Variants in NELFE observed in about 807,000 individuals in gnomAD.
NELFE encodes the protein negative elongation factor E.
NELFE carries 26 observed loss-of-function variants against 55.5 expected under a neutral mutation model. The observed-to-expected ratio is 0.47, with a 90% CI of 0.34 to 0.65. The LOEUF (loss-of-function observed/expected upper bound fraction) is 0.65, where lower values mean the gene tolerates loss of function less well. Ranked by LOEUF, NELFE falls within the 30% of genes least tolerant of loss-of-function variation. NELFE has a pLI of 0.01. For missense variants in NELFE, 403 were observed against 506.9 expected, an observed-to-expected ratio of 0.80 and a Z score of 1.97; for synonymous variants, 162 against 178.0, an observed-to-expected ratio of 0.91 and a Z score of 0.72.
chr6:31,958,866 G>A (rs1477915405), intron 1 of NELFE, 26 bp downstream of exon 1: 6 of 612,066 alleles, frequency 9.8e-6, no homozygotes, highest in African/African-American at 3.7e-5. Context: ...AAAAAGGGCC[G>A]AAGAGTGAGA....
In NELFE at chr6:31,955,623, A is replaced by AT. The variant is rs1187879033; in HGVS notation, c.292-331dup. On this transcript the variant is annotated intron_variant, in intron 4 of 10. Coordinates refer to ENST00000375429, the MANE Select transcript of NELFE (RefSeq NM_002904.6). ...TCTACCATGCTTGGCTAATTTCTGT[A>AT]TTTTTTTTTTTTTTTGTAGAGATAG... 7.9e-3 allele frequency among the ~76,000 whole-genome samples: 910 copies of AT among 115,602 alleles called. 3 individuals are homozygous for AT. Among genetic ancestry groups the AT allele is most frequent in the South Asian group, 0.021 (80 of 3,726 alleles). 75.8% of individuals were successfully genotyped at this position (115,602 alleles called of 152,430 possible). A position where few individuals can be genotyped will look rare whatever the true frequency, so the allele number is the denominator to read the frequency against.
Position 31,954,793 on chromosome 6 carries a change from CCAGT to C in NELFE, c.500_503del (p.Asp167GlyfsTer104). On this transcript the variant is annotated frameshift_variant, in exon 7 of 11. Coordinates refer to ENST00000375429, the MANE Select transcript of NELFE (RefSeq NM_002904.6). LOFTEE classifies it high-confidence loss of function. The surrounding 1 kb of genome is among the most constrained non-coding windows in gnomAD (Gnocchi z 5.5). ...GGGCACCACTGCGTTCTTCATAGCC[CCAGT>C]CAAAGCTTCGAGGGGGACCATCACC... 1.2e-6 allele frequency: 2 copies of C among 1,609,780 alleles called. No individual in the cohort carries two copies. Among genetic ancestry groups the C allele is most frequent in the Non-Finnish European group, 1.7e-6 (2 of 1,178,580 alleles).
At chr6:31,957,920 A>C (rs34555781) in intron 2 of NELFE, among the ~76,000 whole-genome samples, 12,091 of 152,296 alleles carry the variant, frequency 0.079, 741 homozygotes, top group African/African-American at 0.16. Context: ...AGGAAAAATT[A>C]CTTCAAAAGA....
At chr6:31,956,664 C>CT in intron 4 of NELFE, 29 bp downstream of exon 4, 1 of 1,578,104 alleles carries the variant, frequency 6.3e-7, no homozygotes, top group Non-Finnish European at 8.6e-7. Context: ...GAGGGATGCC[C>CT]TTTAAACAAT....
intron 2 of NELFE, chr6:31,957,547 C>G (rs1772164453): frequency 2.3e-6 from 1 of 438,660 alleles, no homozygotes; most frequent in African/African-American, 2.0e-5. Context: ...ACTAGGCCCT[C>G]TCCCGTATCT....
At chr6:31,955,809 G>A (rs1384214967) in intron 4 of NELFE, among the ~76,000 whole-genome samples, 1 of 151,960 alleles carries the variant, frequency 6.6e-6, no homozygotes, top group Non-Finnish European at 1.5e-5. Flanking sequence ...TTGCTCTGTC[G>A]TCCAGGCTGG....
Position 31,957,027 on chromosome 6 carries a change from G to A in NELFE, c.76-17C>T. 6.3e-7 allele frequency: 1 copy of A among 1,587,604 alleles called. No homozygotes were observed. Reference sequence around the variant, plus strand: ...TGCCTTTTTCTGGGAACAAGGGTGAGAAGAGAGAGGTAAGTGAGGGCCAGC... The same window carrying A: ...TGCCTTTTTCTGGGAACAAGGGTGAAAAGAGAGAGGTAAGTGAGGGCCAGC... On this transcript the variant is annotated splice_polypyrimidine_tract_variant and intron_variant, in intron 2 of 10. Transcript: ENST00000375429.
intron 2 of NELFE, among the ~76,000 whole-genome samples, chr6:31,957,643 A>C (rs1238111513): frequency 6.6e-6 from 1 of 152,258 alleles, no homozygotes; most frequent in Non-Finnish European, 1.5e-5. Flanking sequence ...TTGGGAATGC[A>C]TCTTTTGGAA....
chr6:31,952,962 T>C (rs1051714149), intron 10 of NELFE, among the ~76,000 whole-genome samples: 16 of 152,174 alleles, frequency 1.1e-4, no homozygotes, highest in Non-Finnish European at 2.2e-4. Context: ...ACCAGACATG[T>C]TACTCTCTTC....
At chr6:31,953,319 T>C (rs965910155) in intron 10 of NELFE, among the ~76,000 whole-genome samples, 1 of 149,584 alleles carries the variant, frequency 6.7e-6, no homozygotes, top group African/African-American at 2.4e-5. Flanking sequence ...AGAGTCTCCC[T>C]GATGATCCTA....
rs1771816198 is a variant in NELFE, at chr6:31,952,197, T to C, written c.*104A>G. 7.0e-7 allele frequency: 1 copy of C among 1,419,618 alleles called. No homozygotes were observed. Among genetic ancestry groups the C allele is most frequent in the African/African-American group, 1.4e-5 (1 of 70,462 alleles). 87.9% of individuals were successfully genotyped at this position (1,419,618 alleles called of 1,614,324 possible). ...TTAAAGGTTTAACCCCAATCCCAAG[T>C]GCTGAAAAACCAGAGGCTGAGGGAG... On this transcript the variant is annotated 3_prime_UTR_variant, in exon 11 of 11. Coordinates refer to ENST00000375429, the MANE Select transcript of NELFE (RefSeq NM_002904.6).
At chr6:31,958,117 A>G (rs1772204361) in intron 2 of NELFE, among the ~76,000 whole-genome samples, 1 of 152,238 alleles carries the variant, frequency 6.6e-6, no homozygotes, top group Admixed American at 6.5e-5. Flanking sequence ...TGGAAAAAAC[A>G]AACTTGGGGA....
chr6:31,955,420 A>T, intron 4 of NELFE, 127 bp from the exon 5 acceptor site: 1 of 577,902 alleles, frequency 1.7e-6, no homozygotes, highest in African/African-American at 2.0e-5. Flanking sequence ...AATTCTACAT[A>T]CATTTCTTAT....
rs1772112191 is a variant in NELFE at position 31,956,807 on chromosome 6, G to C, written c.177C>G (p.Ala59=). The change falls in exon 4 of 11, where the codon GCC becomes GCG. Residue 59 remains alanine, a synonymous_variant. Transcript: ENST00000375429. ...SLSEQPVMDT[A]TATEQAKQLV... ...GCTGCTTTGCCTGCTCTGTTGCTGT[G>C]GCTGTGTCCATGACAGGCTGCTCTG... 1 of 1,612,892 alleles carries C rather than the reference G, an allele frequency of 6.2e-7. No homozygotes were observed. Among genetic ancestry groups the C allele is most frequent in the African/African-American group, 1.3e-5 (1 of 74,876 alleles).
chr6:31,954,880 A>G lies in NELFE; in HGVS notation c.417T>C (p.Ser139=). 6.4e-7 allele frequency: 1 copy of G among 1,568,682 alleles called. No homozygotes were observed. ...RKSLYESFVS[S]SDRLRELGPD... ...GTCCTAGTTCTCGAAGTCGATCACT[A>G]GAAGACACAAAGCTGGGGAGATGCA... Residue 139 remains serine, a synonymous_variant, in exon 7 of 11, where the codon TCT becomes TCC. Coordinates refer to ENST00000375429, the MANE Select transcript of NELFE (RefSeq NM_002904.6). The surrounding 1 kb of genome is among the most constrained non-coding windows in gnomAD (Gnocchi z 5.5).
Position 31,956,845 on chromosome 6 carries a change from A to G in NELFE, c.146-7T>C, listed in dbSNP as rs367622116. On this transcript the variant is annotated splice_polypyrimidine_tract_variant and splice_region_variant and intron_variant, in intron 3 of 10. Coordinates refer to ENST00000375429, the MANE Select transcript of NELFE (RefSeq NM_002904.6). ...ACAGGCTGCTCTGATAGTGCTGGAG[A>G]GACAAGGGGAAGAGGCATTATGTTG... 2.3e-5 allele frequency: 37 copies of G among 1,612,862 alleles called. No individual in the cohort carries two copies. Among genetic ancestry groups the G allele is most frequent in the Non-Finnish European group, 3.0e-5 (35 of 1,180,032 alleles).
chr6:31,957,174 A>G, intron 2 of NELFE, 164 bp from the exon 3 acceptor site: 1 of 659,928 alleles, frequency 1.5e-6, no homozygotes, highest in Non-Finnish European at 2.6e-6. Flanking sequence ...TAGATCATGT[A>G]TGATGCTGGA....
At chr6:31,958,764 A>G (rs998883665) in intron 1 of NELFE, 128 bp downstream of exon 1, 2 of 698,588 alleles carry the variant, frequency 2.9e-6, no homozygotes, top group South Asian at 1.5e-5. Context: ...GGGTAAGGAC[A>G]ACCGCGGGGT....
chr6:31,955,272 G>C lies in NELFE; in HGVS notation c.313C>G (p.Pro105Ala). The C allele has an allele frequency of 6.3e-7, 1 of 1,591,946 alleles. No individual in the cohort carries two copies. Among genetic ancestry groups the C allele is most frequent in the Non-Finnish European group, 8.5e-7 (1 of 1,170,270 alleles). Residue 105 changes from proline (P) to alanine (A), a missense_variant, in exon 5 of 11, where the codon CCC becomes GCC. Transcript: ENST00000375429. ...KLKDPEKGPV[P>A]TFQPFQRSIS... ...CTCCTCTGGAACGGCTGGAAAGTGGGGACTGGTCCCTTCTCGGGGTCCTGG... is the reference window on the plus strand; with the variant it reads ...CTCCTCTGGAACGGCTGGAAAGTGGCGACTGGTCCCTTCTCGGGGTCCTGG...
Sources: gnomAD v4.1 joint callset for allele counts (sites outside exome capture counted in the v4.1 genomes callset) on GRCh38, gnomAD v4.1.1 for gene constraint, Gnocchi (gnomAD v3.1) non-coding constraint, MANE v1.5 for transcripts, NCBI Gene and HGNC (gene_info 2026-07-23, HGNC 2026-07-21) for gene names.